SCAPER: variants seen among roughly 807,000 people sequenced by gnomAD.
SCAPER encodes S-phase cyclin A associated protein in the ER.
Under a neutral mutation model 182.2 loss-of-function variants are expected in SCAPER, and 98 were observed. The ratio of observed to expected loss-of-function variants is 0.54; its 90% CI spans 0.46 to 0.64. SCAPER has a LOEUF of 0.64. SCAPER is among the 30% of genes least tolerant of loss of function. The probability of loss-of-function intolerance (pLI) is 0.00; values close to 1 mark genes in which losing one functional copy is unlikely to be tolerated. For missense variants in SCAPER, 1,432 were observed against 1,690.0 expected (o/e 0.85, Z 2.68); for synonymous variants, 605 against 564.6 (o/e 1.07, Z -1.01).
intron 23 of SCAPER, among the ~76,000 whole-genome samples, chr15:76,549,196 T>A (rs890436319): frequency 6.6e-6 from 1 of 152,164 alleles, no homozygotes; most frequent in Non-Finnish European, 1.5e-5. Flanking sequence ...GAAGTCAGTG[T>A]GGCGATTCCT....
chr15:76,882,351 C>T (rs998167781), intron 2 of SCAPER, among the ~76,000 whole-genome samples: 4 of 151,440 alleles, frequency 2.6e-5, no homozygotes, highest in Non-Finnish European at 5.9e-5. Context: ...ATGATTGTGC[C>T]GCTGCACTCC....
chr15:76,396,476 T>C (rs990710865), intron 27 of SCAPER, among the ~76,000 whole-genome samples: 1 of 152,230 alleles, frequency 6.6e-6, no homozygotes, highest in Non-Finnish European at 1.5e-5. Flanking sequence ...GTTTTCTATT[T>C]ATTATGTCTT....
chr15:76,573,341 ATTT>A (rs1272884950), intron 23 of SCAPER, among the ~76,000 whole-genome samples: 1 of 152,076 alleles, frequency 6.6e-6, no homozygotes. Flanking sequence ...TATTCATATT[ATTT>A]TTTATTAATA....
chr15:76,696,818 TAATCATTTG>T (rs1235500445), intron 20 of SCAPER, among the ~76,000 whole-genome samples: 18 of 152,200 alleles, frequency 1.2e-4, no homozygotes, highest in Non-Finnish European at 1.0e-4. Flanking sequence ...ATCACTTTTT[TAATCATTTG>T]AATTCTAAGA....
chr15:76,814,676 G>A (rs1356041720), intron 5 of SCAPER, among the ~76,000 whole-genome samples: 1 of 152,014 alleles, frequency 6.6e-6, no homozygotes, highest in African/African-American at 2.4e-5. Flanking sequence ...AAAACAAAAG[G>A]AAAAGTTCCT....
At chr15:76,350,973 C>A in intron 31 of SCAPER, 2 of 325,556 alleles carry the variant, frequency 6.1e-6, no homozygotes, top group Non-Finnish European at 1.1e-5. Flanking sequence ...TTTAATATAT[C>A]TTGCATGAGA....
rs533916227 is a variant in SCAPER at position 76,693,197 on chromosome 15, A to G, written c.2508+8561T>C. Among the ~76,000 whole-genome samples the G allele has an allele frequency of 3.2e-3, 483 of 152,318 alleles. 5 individuals are homozygous for G. The highest frequency in any genetic ancestry group is 0.011 in the African/African-American group (461 of 41,576). On this transcript the variant is annotated intron_variant, in intron 20 of 31. Coordinates refer to ENST00000563290, the MANE Select transcript of SCAPER (RefSeq NM_020843.4). ...TTTAGAAATTTAGGGAAAAAACTAGATCCTTTCCTAGAAAATGAAAATTTA... is the reference window on the plus strand; with the variant it reads ...TTTAGAAATTTAGGGAAAAAACTAGGTCCTTTCCTAGAAAATGAAAATTTA...
intron 25 of SCAPER, among the ~76,000 whole-genome samples, chr15:76,441,143 G>A (rs1241676302): frequency 3.3e-5 from 5 of 151,814 alleles, no homozygotes; most frequent in South Asian, 4.2e-4. Flanking sequence ...GGATGGTCTC[G>A]ATCTCCTGAC....
At chr15:76,428,083 G>C (rs547223158) in intron 26 of SCAPER, among the ~76,000 whole-genome samples, 1 of 152,172 alleles carries the variant, frequency 6.6e-6, no homozygotes, top group African/African-American at 2.4e-5. Flanking sequence ...CTGGGCAACA[G>C]TGTCTCAAAA....
intron 8 of SCAPER, among the ~76,000 whole-genome samples, chr15:76,793,049 C>T (rs565687156): frequency 6.6e-6 from 1 of 152,178 alleles, no homozygotes; most frequent in African/African-American, 2.4e-5. Flanking sequence ...TCTCTTCTCC[C>T]GTCTCTTTTT....
At chr15:76,599,072 T>C (rs1403876906) in intron 22 of SCAPER, among the ~76,000 whole-genome samples, 2 of 119,342 alleles carry the variant, frequency 1.7e-5, no homozygotes, top group African/African-American at 5.1e-5. Flanking sequence ...TACAATTCAA[T>C]AATAAAAAAA....
chr15:76,502,634 A>C (rs953957168), intron 24 of SCAPER, among the ~76,000 whole-genome samples: 10 of 152,184 alleles, frequency 6.6e-5, no homozygotes, highest in Admixed American at 1.3e-4. Flanking sequence ...TGATGAGTTA[A>C]TGGGTGCAGC....
chr15:76,860,628 A>G (rs192331146), intron 3 of SCAPER, among the ~76,000 whole-genome samples: 2 of 152,352 alleles, frequency 1.3e-5, no homozygotes, highest in African/African-American at 2.4e-5. Flanking sequence ...GATAAACTTT[A>G]TAACAAGTTA....
rs374983073 is a variant in SCAPER at position 76,376,178 on chromosome 15, T to C, written c.3839A>G (p.Asn1280Ser). 103 of 1,613,942 alleles carry C rather than the reference T, an allele frequency of 6.4e-5. 1 individual carries two copies. The highest frequency in any genetic ancestry group is 5.3e-4 in the South Asian group (48 of 91,076). ...GCCTCTTACCTGGTTATCTGGGTGGTTGACAGTGAAGTAGCCCACACAGAC... is the reference window on the plus strand; with the variant it reads ...GCCTCTTACCTGGTTATCTGGGTGGCTGACAGTGAAGTAGCCCACACAGAC... Reference protein sequence around the residue: ...VIVCVGYFTVNHPDNQVIVQS... With the variant: ...VIVCVGYFTVSHPDNQVIVQS... The change falls in exon 29 of 32, where the codon AAC becomes AGC. Residue 1280 changes from asparagine to serine, a missense_variant. Physicochemically the swap from Asn to Ser is conservative, Grantham distance 46. Transcript: ENST00000563290.
intron 20 of SCAPER, among the ~76,000 whole-genome samples, chr15:76,672,607 A>C (rs2057103849): frequency 6.6e-6 from 1 of 152,186 alleles, no homozygotes; most frequent in African/African-American, 2.4e-5. Flanking sequence ...AAGAGTAAAT[A>C]AACACAACAA....
chr15:76,600,257 T>G (rs550693306), intron 22 of SCAPER, among the ~76,000 whole-genome samples: 1 of 119,652 alleles, frequency 8.4e-6, no homozygotes, highest in South Asian at 2.6e-4. Context: ...AAATAAGGAA[T>G]AGTTACAATT....
At chr15:76,723,039 C>A (rs2060356538) in intron 17 of SCAPER, among the ~76,000 whole-genome samples, 1 of 152,100 alleles carries the variant, frequency 6.6e-6, no homozygotes, top group Non-Finnish European at 1.5e-5. Context: ...AATTTTAGAT[C>A]TTTCCTGCTT....
At chr15:76,557,614 C>G (rs2046287130) in intron 23 of SCAPER, among the ~76,000 whole-genome samples, 3 of 152,164 alleles carry the variant, frequency 2.0e-5, no homozygotes, top group Admixed American at 6.5e-5. Context: ...TGCCTGCTCC[C>G]CCTTTGCCTT....
At chr15:76,534,671 A>G (rs931259570) in intron 23 of SCAPER, among the ~76,000 whole-genome samples, 13 of 152,182 alleles carry the variant, frequency 8.5e-5, no homozygotes, top group African/African-American at 3.1e-4. Flanking sequence ...GATAATTGCT[A>G]TTGCTCCTTG....
Sources: allele counts gnomAD v4.1 joint callset (sites outside exome capture counted in the v4.1 genomes callset), GRCh38; gene constraint gnomAD v4.1.1; transcripts MANE v1.5; gene names NCBI Gene and HGNC (gene_info 2026-07-23, HGNC 2026-07-21).